ANKRD36C: variants seen among roughly 807,000 people sequenced by gnomAD.
ANKRD36C encodes the protein ankyrin repeat domain 36C.
Under a neutral mutation model 276.4 loss-of-function variants are expected in ANKRD36C, and 61 were observed. The observed-to-expected ratio is 0.22, with a 90% confidence interval of 0.18 to 0.27. ANKRD36C has a LOEUF of 0.27. Ranked by LOEUF, ANKRD36C falls within the 10% of genes least tolerant of loss-of-function variation. The pLI is 1.00. For synonymous variants in ANKRD36C, 483 were observed against 680.1 expected, an observed-to-expected ratio of 0.71 and a Z score of 4.51; for missense variants, 1,447 against 2,032.3, an observed-to-expected ratio of 0.71 and a Z score of 5.54.
chr2:95,944,721 G>T (rs769890613), intron 18 of ANKRD36C, 27 bp from the exon 19 acceptor site: 7 of 1,533,484 alleles, frequency 4.6e-6, no homozygotes, highest in African/African-American at 2.7e-5. Flanking sequence ...GTCAAGAGTA[G>T]ATGAAATGCA....
chr2:95,885,936 G>A, intron 52 of ANKRD36C, 112 bp downstream of exon 72: 2 of 1,541,374 alleles, frequency 1.3e-6, no homozygotes, highest in Non-Finnish European at 1.8e-6. Flanking sequence ...AGAATCTCAA[G>A]CATGCTGAAT....
In ANKRD36C at chr2:95,867,593, A is replaced by T; in HGVS notation, c.3541-12T>A. The T allele has an allele frequency of 8.2e-7, 1 of 1,222,582 alleles. No homozygotes were observed. Among genetic ancestry groups the T allele is most frequent in the Non-Finnish European group, 1.1e-6 (1 of 890,976 alleles). The allele number at this position is 1,222,582 out of a possible 1,614,324, so 75.7% of individuals were successfully genotyped here. A position where few individuals can be genotyped will look rare whatever the true frequency, so the allele number is the denominator to read the frequency against. ...ATTTGGTTTTTCACCTACAAAATAA[A>T]TAACACTGTTTCAAAATGTCCCCAA... On this transcript the variant is annotated splice_polypyrimidine_tract_variant and intron_variant, in intron 59 of 66. Coordinates refer to ENST00000456556, the Ensembl canonical transcript of ANKRD36C.
chr2:95,921,511 G>A (rs987412121), intron 34 of ANKRD36C, 96 bp downstream of exon 34: 20 of 1,489,468 alleles, frequency 1.3e-5, no homozygotes, highest in African/African-American at 8.5e-5. Context: ...CAGCTTCGGC[G>A]AGCCCCCCCA....
At chr2:95,925,604 C>T (rs1264931964) in intron 28 of ANKRD36C, 57 bp from the exon 29 acceptor site, 4 of 1,473,196 alleles carry the variant, frequency 2.7e-6, no homozygotes, top group Admixed American at 2.1e-5. Context: ...AAGTCGTCCA[C>T]ACATTCATGC....
At chr2:95,925,263 T>G in intron 30 of ANKRD36C, 89 bp downstream of exon 30, 1 of 1,530,798 alleles carries the variant, frequency 6.5e-7, no homozygotes, top group African/African-American at 1.4e-5. Context: ...AAAGTGCATT[T>G]TCAATGACAC....
intron 6 of ANKRD36C, 66 bp from the exon 7 acceptor site, chr2:95,962,613 G>A: frequency 1.9e-6 from 3 of 1,570,860 alleles, no homozygotes. Flanking sequence ...ATACATTCAT[G>A]CACTGTTACC....
intron 59 of ANKRD36C, among the ~76,000 whole-genome samples, chr2:95,874,702 T>C (rs1437239043): frequency 1.3e-5 from 2 of 152,084 alleles, no homozygotes; most frequent in Non-Finnish European, 2.9e-5. Flanking sequence ...ACTGAAGAGC[T>C]TCTGCACAGC....
At chr2:95,851,090 G>A, downstream of ANKRD36C, 3 of 1,013,472 alleles carry the variant, frequency 3.0e-6, no homozygotes, top group Middle Eastern at 2.9e-4. Flanking sequence ...CAATTGAGAG[G>A]GAATACCGTT....
At chr2:95,890,040 A>G in intron 46 of ANKRD36C, 46 bp from the exon 67 acceptor site, 1 of 1,585,342 alleles carries the variant, frequency 6.3e-7, no homozygotes, top group Non-Finnish European at 8.6e-7. Flanking sequence ...TAAATATGAT[A>G]AAGTTATTCA....
At chr2:95,986,873 C>T (rs1427156144) in exon 3 of ANKRD36C, 3 of 1,611,966 alleles carry the variant, frequency 1.9e-6, no homozygotes, top group Non-Finnish European at 2.5e-6. Flanking sequence ...TTTGGATCGG[C>T]GCCATTTTGC....
exon 59 of ANKRD36C, chr2:95,876,477 G>C (rs754852691): frequency 8.7e-6 from 14 of 1,607,088 alleles, no homozygotes; most frequent in Admixed American, 6.7e-5. Context: ...AGCCTCTTTT[G>C]CTCTCCCTCT....
intron 6 of ANKRD36C, among the ~76,000 whole-genome samples, chr2:95,966,962 T>A (rs1184596449): frequency 6.6e-6 from 1 of 152,116 alleles, no homozygotes; most frequent in African/African-American, 2.4e-5. Context: ...AGTGCTCTAT[T>A]ACTGGTGTAT....
chr2:95,861,965 C>CAA (rs762983462), intron 60 of ANKRD36C, among the ~76,000 whole-genome samples: 14 of 139,666 alleles, frequency 1.0e-4, no homozygotes, highest in East Asian at 2.0e-4. Flanking sequence ...GATTTCATAG[C>CAA]AAAAAAAAAA....
At chr2:95,960,206 G>C (rs1320061890) in intron 10 of ANKRD36C, among the ~76,000 whole-genome samples, 1 of 152,008 alleles carries the variant, frequency 6.6e-6, no homozygotes, top group Non-Finnish European at 1.5e-5. Context: ...AAATTATGCT[G>C]TCCCCTCAGC....
intron 24 of ANKRD36C, among the ~76,000 whole-genome samples, chr2:95,931,907 T>C (rs1173075091): frequency 6.6e-6 from 1 of 151,466 alleles, no homozygotes; most frequent in Non-Finnish European, 1.5e-5. Context: ...CTTTACGGGG[T>C]GTTTCTTCAT....
chr2:95,923,935 A>T (rs1677341965), intron 30 of ANKRD36C, among the ~76,000 whole-genome samples: 2 of 151,704 alleles, frequency 1.3e-5, no homozygotes, highest in Non-Finnish European at 3.0e-5. Flanking sequence ...AAAATGAAAC[A>T]GTGTTAGTAT....
chr2:95,975,014 T>C (rs994763237), intron 6 of ANKRD36C, among the ~76,000 whole-genome samples: 1 of 152,088 alleles, frequency 6.6e-6, no homozygotes, highest in African/African-American at 2.4e-5. Flanking sequence ...TAGTATTCCA[T>C]GGTGTATATG....
chr2:95,981,912 T>G (rs1177780770), intron 4 of ANKRD36C, among the ~76,000 whole-genome samples: 2 of 152,148 alleles, frequency 1.3e-5, no homozygotes, highest in African/African-American at 4.8e-5. Context: ...TAATGTAAGA[T>G]CATACAATCA....
intron 64 of ANKRD36C, chr2:95,853,116 A>G (rs1573715605): frequency 6.5e-6 from 1 of 153,072 alleles, no homozygotes. Context: ...GTCCATATTC[A>G]TATAGAGACA....
Sources: allele counts gnomAD v4.1 joint callset (sites outside exome capture counted in the v4.1 genomes callset), GRCh38; gene constraint gnomAD v4.1.1; transcripts MANE v1.5; gene names NCBI Gene and HGNC (gene_info 2026-07-23, HGNC 2026-07-21).